CRHR2: variants seen among roughly 807,000 people sequenced by gnomAD.
CRHR2 encodes corticotropin releasing hormone receptor 2, also known as corticotropin-releasing hormone receptor 2.
In CRHR2, 53 loss-of-function variants were observed where a neutral mutation model predicts 57.9. The ratio of observed to expected loss-of-function variants is 0.92; its 90% CI spans 0.73 to 1.15. The LOEUF (loss-of-function observed/expected upper bound fraction) is 1.15. CRHR2 is among the 50% of genes most tolerant of loss of function. The pLI, the probability that CRHR2 is intolerant of heterozygous loss-of-function variation, is 0.00. For missense variants in CRHR2, 532 were observed against 542.6 expected, an observed-to-expected ratio of 0.98 and a Z score of 0.19; for synonymous variants, 213 against 220.9, an observed-to-expected ratio of 0.96 and a Z score of 0.32.
At chr7:30,686,579 T>A (rs1298900954), upstream of CRHR2, 75 of 1,477,564 alleles carry the variant, frequency 5.1e-5, 1 homozygote, top group Non-Finnish European at 6.5e-5. Context: ...GAAGCCAAGG[T>A]AGGCAGATTG....
At chr7:30,667,597 C>A (rs995829797) in intron 2 of CRHR2, among the ~76,000 whole-genome samples, 1 of 152,234 alleles carries the variant, frequency 6.6e-6, no homozygotes, top group South Asian at 2.1e-4. Flanking sequence ...CTGAATCCAA[C>A]TGTGAGGAGT....
At chr7:30,690,643 C>T (rs1341111174) in intron 1 of CRHR2, among the ~76,000 whole-genome samples, 1 of 152,214 alleles carries the variant, frequency 6.6e-6, no homozygotes, top group Non-Finnish European at 1.5e-5. Context: ...TCACGTTCTC[C>T]ACATTGGGCT....
chr7:30,693,116 C>T (rs1784992254), intron 1 of CRHR2, among the ~76,000 whole-genome samples: 1 of 152,216 alleles, frequency 6.6e-6, no homozygotes, highest in South Asian at 2.1e-4. Context: ...AGCCAGTGGG[C>T]AGGACCTTGC....
chr7:30,666,548 C>T (rs370958644), intron 3 of CRHR2, among the ~76,000 whole-genome samples: 1 of 152,212 alleles, frequency 6.6e-6, no homozygotes, highest in South Asian at 2.1e-4. Context: ...CCCTGCAGAA[C>T]CCCTGTGGCT....
At chr7:30,681,177 C>T (rs1161366644) in intron 2 of CRHR2, among the ~76,000 whole-genome samples, 1 of 152,130 alleles carries the variant, frequency 6.6e-6, no homozygotes, top group Non-Finnish European at 1.5e-5. Context: ...GCCCTTTTCC[C>T]CAGAGCCTCA....
chr7:30,696,943 T>TAAA (rs895037091), intron 1 of CRHR2, among the ~76,000 whole-genome samples: 2 of 149,450 alleles, frequency 1.3e-5, no homozygotes. Context: ...CAGACAGATT[T>TAAA]AAAAAAAAAA....
upstream of CRHR2, among the ~76,000 whole-genome samples, chr7:30,687,170 A>G (rs1784871883): frequency 6.6e-6 from 1 of 152,034 alleles, no homozygotes; most frequent in African/African-American, 2.4e-5. Flanking sequence ...GACATGATGC[A>G]TTTCCCCAAG....
intron 2 of CRHR2, among the ~76,000 whole-genome samples, chr7:30,674,107 G>T (rs1419350166): frequency 6.6e-6 from 1 of 152,146 alleles, no homozygotes; most frequent in Non-Finnish European, 1.5e-5. Flanking sequence ...CACTCATGGT[G>T]CCCTGCCATC....
chr7:30,666,024 C>T (rs1784174954), intron 3 of CRHR2, among the ~76,000 whole-genome samples: 1 of 152,146 alleles, frequency 6.6e-6, no homozygotes, highest in Admixed American at 6.5e-5. Context: ...CTGTGCCTGG[C>T]ACCAACATGC....
chr7:30,689,340 T>A, intron 1 of CRHR2: 1 of 1,388,398 alleles, frequency 7.2e-7, no homozygotes, highest in Non-Finnish European at 1.0e-6. Context: ...CCATTGACAG[T>A]GCCTGTCTGC....
chr7:30,682,464 T>G, upstream of CRHR2: 1 of 1,327,660 alleles, frequency 7.5e-7, no homozygotes, highest in Non-Finnish European at 9.6e-7. Flanking sequence ...AGTGGGGACC[T>G]TCCCGGAGAG....
At chr7:30,662,056 A>T in intron 7 of CRHR2, 100 bp downstream of exon 7, 1 of 1,304,620 alleles carries the variant, frequency 7.7e-7, no homozygotes. Flanking sequence ...AGGTGTGGCT[A>T]CAATTCCTGC....
upstream of CRHR2, among the ~76,000 whole-genome samples, chr7:30,685,329 C>T (rs1355495005): frequency 6.6e-6 from 1 of 152,232 alleles, no homozygotes; most frequent in Non-Finnish European, 1.5e-5. Flanking sequence ...CATTCTCTCT[C>T]TAATTCATCC....
chr7:30,658,124 C>T (rs1333556118), intron 8 of CRHR2, among the ~76,000 whole-genome samples: 2 of 152,116 alleles, frequency 1.3e-5, no homozygotes, highest in Non-Finnish European at 2.9e-5. Context: ...GTTTCCCAGC[C>T]TCCCCCTTCA....
At chr7:30,671,037 C>G (rs1487637548) in intron 2 of CRHR2, among the ~76,000 whole-genome samples, 1 of 152,162 alleles carries the variant, frequency 6.6e-6, no homozygotes, top group African/African-American at 2.4e-5. Flanking sequence ...CAGGCAGTTA[C>G]CTGGGGTGGT....
At chr7:30,683,416 A>T (rs575950503), upstream of CRHR2, among the ~76,000 whole-genome samples, 1 of 152,122 alleles carries the variant, frequency 6.6e-6, no homozygotes, top group Admixed American at 6.5e-5. Flanking sequence ...GAACTTGCCC[A>T]GGCCCCCCAC....
chr7:30,672,391 T>G (rs1784389873), intron 2 of CRHR2, among the ~76,000 whole-genome samples: 1 of 152,230 alleles, frequency 6.6e-6, no homozygotes, highest in Admixed American at 6.5e-5. Flanking sequence ...TAAAGGCATG[T>G]CCTGGGTTGC....
chr7:30,653,559 G>T lies in CRHR2; in HGVS notation c.1137C>A (p.Asp379Glu). 6.2e-7 allele frequency: 1 copy of T among 1,613,182 alleles called. No homozygotes were observed. The highest frequency in any genetic ancestry group is 2.2e-5 in the East Asian group (1 of 44,838). ...AVRKRWHRWQ[D>E]HHSLRVPMAR... is the part of the protein sequence containing the mutation. ...CCATGGGGACTCGAAGGGAGTGATG[G>T]TCCTGCCAGCGGTGCCACCTCTTCC... Residue 379 changes from aspartate (D) to glutamate (E), a missense_variant, in exon 12 of 12, where the codon GAC (aspartate) becomes GAA (glutamate). Coordinates refer to ENST00000471646, the MANE Select transcript of CRHR2 (RefSeq NM_001883.5). The surrounding 1 kb of genome is among the most constrained non-coding windows in gnomAD (Gnocchi z 5.0).
At chr7:30,686,476 TG>T, upstream of CRHR2, 1 of 1,522,662 alleles carries the variant, frequency 6.6e-7, no homozygotes, top group Non-Finnish European at 8.8e-7. Context: ...TATGTGTGTG[TG>T]TTGCATTGAG....
Sources: gnomAD v4.1 joint callset for allele counts (sites outside exome capture counted in the v4.1 genomes callset) on GRCh38, gnomAD v4.1.1 for gene constraint, Gnocchi (gnomAD v3.1) non-coding constraint, MANE v1.5 for transcripts, NCBI Gene and HGNC (gene_info 2026-07-23, HGNC 2026-07-21) for gene names.